The following SLC35F3 variants were observed in gnomAD, a reference collection of about 807,000 sequenced individuals.
The protein encoded by SLC35F3 is putative thiamine transporter SLC35F3.
SLC35F3 carries 25 observed loss-of-function variants against 49.9 expected under a neutral mutation model. The ratio of observed to expected loss-of-function variants is 0.50; its 90% CI spans 0.37 to 0.70. The LOEUF is 0.70. Among genes scored for constraint, SLC35F3 ranks in the 30% least tolerant of loss-of-function variants. The pLI is 0.00. For synonymous variants in SLC35F3, 275 were observed against 265.4 expected (o/e 1.04, Z -0.35); for missense variants, 525 against 639.8 (o/e 0.82, Z 1.94).
In SLC35F3 at chr1:234,318,232, G is replaced by A. The variant is rs558865798; in HGVS notation, c.955-519G>A. 5.9e-4 allele frequency among the ~76,000 whole-genome samples: 90 copies of A among 152,306 alleles called. 1 individual carries two copies. The highest frequency in any genetic ancestry group is 2.1e-3 in the African/African-American group (88 of 41,556). On this transcript the variant is annotated intron_variant, in intron 5 of 7. Transcript: ENST00000366618. ...AATGATGTGCAAAAAAAGAACAGGT[G>A]CAAGAAAATAAAAGTTTGGTGCATT...
At position 234,093,704 on chromosome 1, in the gene SLC35F3, C is replaced by T. The variant is rs1435761402; in HGVS notation, c.284-137713C>T. On this transcript the variant is annotated intron_variant, in intron 2 of 7. Transcript: ENST00000366618. Reference sequence around the variant, plus strand: ...AAGTCTGTTTGTGCAGCTCCAGCCCCGGGCCCTGCCGGGGCATTCTCTGCC... The same window carrying T: ...AAGTCTGTTTGTGCAGCTCCAGCCCTGGGCCCTGCCGGGGCATTCTCTGCC... Among the ~76,000 whole-genome samples the T allele has an allele frequency of 3.3e-5, 5 of 152,230 alleles. No homozygotes were observed. The South Asian group carries it at 6.2e-4, about 19-fold the overall frequency.
chr1:234,294,433 A>C (rs1255294979), intron 3 of SLC35F3, among the ~76,000 whole-genome samples: 1 of 152,184 alleles, frequency 6.6e-6, no homozygotes, highest in Non-Finnish European at 1.5e-5. Flanking sequence ...ATAAATGCAG[A>C]GAGTGGGGAA....
intron 2 of SLC35F3, among the ~76,000 whole-genome samples, chr1:234,034,416 G>C (rs1021475492): frequency 2.0e-5 from 3 of 152,160 alleles, no homozygotes; most frequent in African/African-American, 7.2e-5. Context: ...TCCTTGTCTT[G>C]TTCCAGGTCT....
chr1:234,051,567 C>A (rs1002033262), intron 2 of SLC35F3, among the ~76,000 whole-genome samples: 3 of 152,176 alleles, frequency 2.0e-5, no homozygotes, highest in Non-Finnish European at 4.4e-5. Flanking sequence ...TCTAAATATA[C>A]AATCATGTCA....
chr1:234,108,681 T>A (rs1174647266), intron 2 of SLC35F3, among the ~76,000 whole-genome samples: 1 of 120,372 alleles, frequency 8.3e-6, no homozygotes, highest in Non-Finnish European at 1.6e-5. Context: ...GATATATATA[T>A]TTTTATATAT....
intron 2 of SLC35F3, among the ~76,000 whole-genome samples, chr1:234,083,430 G>A (rs537255090): frequency 6.6e-6 from 1 of 152,234 alleles, no homozygotes; most frequent in East Asian, 1.9e-4. Flanking sequence ...TTGTGCATTG[G>A]CATTCGACCT....
At chr1:234,129,342 A>T (rs1665698857) in intron 2 of SLC35F3, among the ~76,000 whole-genome samples, 1 of 152,230 alleles carries the variant, frequency 6.6e-6, no homozygotes, top group African/African-American at 2.4e-5. Flanking sequence ...ACTACAATAG[A>T]CTCAAAAACA....
At chr1:233,998,662 A>G (rs560514609) in intron 2 of SLC35F3, among the ~76,000 whole-genome samples, 43 of 151,942 alleles carry the variant, frequency 2.8e-4, no homozygotes, top group Non-Finnish European at 5.1e-4. Flanking sequence ...GTCACATGGG[A>G]CTGCTAAGCG....
rs1664286239 is a variant in SLC35F3 at position 234,046,044 on chromosome 1, A to G, written c.283+140286A>G. ...ATGTTTATCCTTTACCTGTTGATGG[A>G]CATTTAGTTTATTTCTCACATTTTG... On this transcript the variant is annotated intron_variant, in intron 2 of 7. Transcript: ENST00000366618. The surrounding 1 kb of genome is among the most constrained non-coding windows in gnomAD (Gnocchi z 4.4). Among the ~76,000 whole-genome samples the G allele has an allele frequency of 6.6e-6, 1 of 152,090 alleles. No homozygotes were observed. The highest frequency in any genetic ancestry group is 6.5e-5 in the Admixed American group (1 of 15,268).
At chr1:234,045,159 A>G (rs904431183) in intron 2 of SLC35F3, among the ~76,000 whole-genome samples, 6 of 152,164 alleles carry the variant, frequency 3.9e-5, no homozygotes, top group Admixed American at 1.3e-4. Context: ...CCTGCCTTCT[A>G]GAACTCATTC....
At chr1:234,050,435 T>G (rs1664358731) in intron 2 of SLC35F3, among the ~76,000 whole-genome samples, 1 of 152,238 alleles carries the variant, frequency 6.6e-6, no homozygotes, top group Non-Finnish European at 1.5e-5. Context: ...ATAAATGTCT[T>G]CTTTTGAGAA....
chr1:234,006,578 G>A (rs1268727832), intron 2 of SLC35F3, among the ~76,000 whole-genome samples: 1 of 152,220 alleles, frequency 6.6e-6, no homozygotes, highest in African/African-American at 2.4e-5. Flanking sequence ...TATATGGTGT[G>A]TGCCTCAGTT....
intron 2 of SLC35F3, among the ~76,000 whole-genome samples, chr1:234,084,250 C>T (rs1467069546): frequency 1.3e-5 from 2 of 151,338 alleles, no homozygotes; most frequent in African/African-American, 2.4e-5. Flanking sequence ...CACACACACA[C>T]AATTTTGTGT....
chr1:233,950,385 CAAAAAAAAAAAAAA>C (rs58271294), intron 2 of SLC35F3, among the ~76,000 whole-genome samples: 1 of 31,382 alleles, frequency 3.2e-5, no homozygotes, highest in African/African-American at 1.1e-4. Context: ...GACTCTGTCT[CAAAAAAAAAAAAAA>C]AAAAAAAAAA....
chr1:234,271,351 A>T (rs1572127331), intron 3 of SLC35F3, among the ~76,000 whole-genome samples: 1 of 151,410 alleles, frequency 6.6e-6, no homozygotes, highest in Non-Finnish European at 1.5e-5. Flanking sequence ...ATGATGAGTC[A>T]TTCTTCATTT....
intron 2 of SLC35F3, among the ~76,000 whole-genome samples, chr1:233,944,357 A>G (rs552045715): frequency 7.2e-5 from 11 of 152,300 alleles, no homozygotes; most frequent in African/African-American, 2.6e-4. Flanking sequence ...GGTTTAATAT[A>G]TATATGTATA....
intron 2 of SLC35F3, among the ~76,000 whole-genome samples, chr1:233,924,548 A>G (rs1055268954): frequency 5.3e-5 from 8 of 151,980 alleles, no homozygotes; most frequent in African/African-American, 1.7e-4. Flanking sequence ...TCTTGCTAGC[A>G]GTCTATCAAT....
In SLC35F3 at chr1:234,231,827, C is replaced by A; in HGVS notation, c.608+86C>A. 7.5e-7 allele frequency: 1 copy of A among 1,330,036 alleles called. No homozygotes were observed. Among genetic ancestry groups the A allele is most frequent in the Non-Finnish European group, 1.0e-6 (1 of 958,706 alleles). 82.4% of individuals were successfully genotyped at this position (1,330,036 alleles called of 1,614,324 possible). On this transcript the variant is annotated intron_variant, in intron 3 of 7. Transcript: ENST00000366618. This position sits in a 1 kb window ranked among gnomAD's most constrained non-coding sequence, Gnocchi z 5.4. ...CTGCAGAGCTGCCCCTGGTGGCAGG[C>A]GCTGGGATGAGCCGGTGGGAGCCCG... is the stretch of plus-strand genomic sequence containing the variant.
intron 2 of SLC35F3, among the ~76,000 whole-genome samples, chr1:234,225,554 C>T (rs966065814): frequency 2.6e-5 from 4 of 152,188 alleles, no homozygotes; most frequent in African/African-American, 9.7e-5. Flanking sequence ...ACTTAAGCCT[C>T]TAAAATGTGG....
Sources: gnomAD v4.1 joint callset for allele counts (sites outside exome capture counted in the v4.1 genomes callset) on GRCh38, gnomAD v4.1.1 for gene constraint, Gnocchi (gnomAD v3.1) non-coding constraint, MANE v1.5 for transcripts, NCBI Gene and HGNC (gene_info 2026-07-23, HGNC 2026-07-21) for gene names.